CCDC60: variants seen among roughly 807,000 people sequenced by gnomAD.
The protein encoded by CCDC60 is coiled-coil domain-containing protein 60.
CCDC60 carries 54 observed loss-of-function variants against 63.5 expected under a neutral mutation model. The ratio of observed to expected loss-of-function variants is 0.85; its 90% CI spans 0.68 to 1.07. The LOEUF (loss-of-function observed/expected upper bound fraction) is 1.07, where lower values mean the gene tolerates loss of function less well. Among genes scored for constraint, CCDC60 ranks in the 50% least tolerant of loss-of-function variants. CCDC60 has a pLI of 0.00. For missense variants in CCDC60, 651 were observed against 684.3 expected, an observed-to-expected ratio of 0.95 and a Z score of 0.54; for synonymous variants, 206 against 238.8, an observed-to-expected ratio of 0.86 and a Z score of 1.27.
At chr12:119,468,693 T>TTC (rs3999604) in intron 2 of CCDC60, among the ~76,000 whole-genome samples, 5 of 151,832 alleles carry the variant, frequency 3.3e-5, no homozygotes, top group Admixed American at 3.3e-4. Flanking sequence ...AAAAGAATTT[T>TTC]ATTTAAAAAA....
In CCDC60 at chr12:119,472,097, GAGGA is replaced by G; in HGVS notation, c.276_279del (p.Arg94IlefsTer19). On this transcript the variant is annotated frameshift_variant, in exon 3 of 14. Transcript: ENST00000327554. LOFTEE classifies it high-confidence loss of function. ...ACAACAACTTCAGAAACTGAAAGAG[GAGGA>G]AAGAAATAAATTCCAGCCAGCCGAA... 6.2e-7 allele frequency: 1 copy of G among 1,614,154 alleles called. No individual in the cohort carries two copies. The highest frequency in any genetic ancestry group is 1.1e-5 in the South Asian group (1 of 91,084).
intron 1 of CCDC60, among the ~76,000 whole-genome samples, chr12:119,364,464 A>G (rs947277570): frequency 8.5e-5 from 13 of 152,110 alleles, no homozygotes; most frequent in African/African-American, 2.9e-4. Flanking sequence ...CTAATTTCCT[A>G]TAAATTGAAT....
chr12:119,389,512 G>A (rs989439994), intron 1 of CCDC60, among the ~76,000 whole-genome samples: 2 of 151,966 alleles, frequency 1.3e-5, no homozygotes, highest in Non-Finnish European at 2.9e-5. Context: ...AGTTGCCCAC[G>A]GTGGTCACCT....
chr12:119,495,644 T>C (rs1951701549), intron 5 of CCDC60, among the ~76,000 whole-genome samples: 1 of 152,220 alleles, frequency 6.6e-6, no homozygotes, highest in South Asian at 2.1e-4. Flanking sequence ...ATTTTTAAAA[T>C]TTAAATTGTT....
intron 1 of CCDC60, among the ~76,000 whole-genome samples, chr12:119,368,552 C>T (rs78610871): frequency 3.9e-5 from 6 of 152,126 alleles, no homozygotes; most frequent in South Asian, 2.1e-4. Flanking sequence ...TAAAGAATTA[C>T]GCCTTCCGAC....
intron 7 of CCDC60, among the ~76,000 whole-genome samples, chr12:119,513,352 A>C (rs1952262833): frequency 6.6e-6 from 1 of 152,172 alleles, no homozygotes; most frequent in Admixed American, 6.5e-5. Context: ...ATTGTCTCAC[A>C]GTTCTGGATA....
At chr12:119,384,971 C>A (rs544609296) in intron 1 of CCDC60, among the ~76,000 whole-genome samples, 1 of 152,230 alleles carries the variant, frequency 6.6e-6, no homozygotes, top group African/African-American at 2.4e-5. Flanking sequence ...GCTTCACTGG[C>A]GAAACCATGT....
At chr12:119,373,667 T>TGGG (rs57046909) in intron 1 of CCDC60, among the ~76,000 whole-genome samples, 6 of 54,078 alleles carry the variant, frequency 1.1e-4, no homozygotes, top group East Asian at 4.3e-4. Context: ...CGGGGTGGGG[T>TGGG]GGGGGGGGGT....
rs1593150914 is a variant in CCDC60, at chr12:119,481,061, T to A, written c.449+1860T>A. On this transcript the variant is annotated intron_variant, in intron 4 of 13. Coordinates refer to ENST00000327554, the MANE Select transcript of CCDC60 (RefSeq NM_178499.5). ...ATCACCATCATCCTCACCACCATCA[T>A]CATCATCACCATCATCATCATCACC... 4.0e-5 allele frequency among the ~76,000 whole-genome samples: 6 copies of A among 151,040 alleles called. No homozygotes were observed. In the South Asian group the frequency reaches 1.3e-3, roughly 32 times the overall value.
At chr12:119,537,975 C>A (rs1229622536) in intron 13 of CCDC60, among the ~76,000 whole-genome samples, 3 of 152,226 alleles carry the variant, frequency 2.0e-5, no homozygotes, top group Non-Finnish European at 4.4e-5. Flanking sequence ...ACGTTTAAGT[C>A]TGCAGAAGTA....
At chr12:119,338,373 C>T (rs774565801) in intron 1 of CCDC60, among the ~76,000 whole-genome samples, 4 of 152,076 alleles carry the variant, frequency 2.6e-5, no homozygotes, top group Admixed American at 2.6e-4. Flanking sequence ...TCATGTGCCA[C>T]GTATTGAACT....
intron 11 of CCDC60, among the ~76,000 whole-genome samples, chr12:119,528,164 C>G (rs904104371): frequency 6.6e-6 from 1 of 151,900 alleles, no homozygotes; most frequent in Non-Finnish European, 1.5e-5. Flanking sequence ...AATATAAAGT[C>G]TCATTGGAGA....
Position 119,364,677 on chromosome 12 carries a change from C to T in CCDC60, c.90+29411C>T, listed in dbSNP as rs538283722. On this transcript the variant is annotated intron_variant, in intron 1 of 13. Transcript: ENST00000327554. ...GTCTGAGAAGATAAAAGTAATTTGCCGGTGCATCTTATAATTGATGCCCAC... is the reference window on the plus strand; with the variant it reads ...GTCTGAGAAGATAAAAGTAATTTGCTGGTGCATCTTATAATTGATGCCCAC... 3.9e-5 allele frequency among the ~76,000 whole-genome samples: 6 copies of T among 152,244 alleles called. No homozygotes were observed. The East Asian group carries it at 9.7e-4, about 24-fold the overall frequency.
At chr12:119,362,367 C>G (rs959411895) in intron 1 of CCDC60, among the ~76,000 whole-genome samples, 2 of 152,056 alleles carry the variant, frequency 1.3e-5, no homozygotes, top group Admixed American at 6.5e-5. Flanking sequence ...CCAGAAGATT[C>G]TCTCATCTCT....
intron 1 of CCDC60, among the ~76,000 whole-genome samples, chr12:119,339,466 T>G (rs1366154289): frequency 1.3e-5 from 2 of 152,128 alleles, no homozygotes; most frequent in East Asian, 3.9e-4. Flanking sequence ...GGTGACTTGC[T>G]CATATCCTAG....
At chr12:119,447,185 A>T (rs979355837) in intron 2 of CCDC60, among the ~76,000 whole-genome samples, 1 of 152,152 alleles carries the variant, frequency 6.6e-6, no homozygotes, top group Admixed American at 6.5e-5. Context: ...AGTGTCAGGT[A>T]ACCACCCCAT....
chr12:119,368,763 T>G (rs377116447), intron 1 of CCDC60, among the ~76,000 whole-genome samples: 1 of 152,244 alleles, frequency 6.6e-6, no homozygotes, highest in East Asian at 1.9e-4. Context: ...TGACAATCCC[T>G]GCTCGTAATT....
At position 119,444,130 on chromosome 12, in the gene CCDC60, T is replaced by C. The variant is rs570247429; in HGVS notation, c.170+15368T>C. On this transcript the variant is annotated intron_variant, in intron 2 of 13. Coordinates refer to ENST00000327554, the MANE Select transcript of CCDC60 (RefSeq NM_178499.5). ...TGGGAAAATCAGATGCCAGAAAGCA[T>C]ACAGCTAAGAAACTTAAGGTTCTAT... Among the ~76,000 whole-genome samples, 269 of 152,330 alleles carry C rather than the reference T, an allele frequency of 1.8e-3. 1 individual carries two copies. The highest frequency in any genetic ancestry group is 6.2e-3 in the African/African-American group (257 of 41,572).
intron 2 of CCDC60, among the ~76,000 whole-genome samples, chr12:119,465,187 C>T (rs1242836962): frequency 6.6e-6 from 1 of 152,040 alleles, no homozygotes; most frequent in Non-Finnish European, 1.5e-5. Context: ...GTGGCGGGCG[C>T]CTGTAGTCCC....
Sources: allele counts gnomAD v4.1 joint callset (sites outside exome capture counted in the v4.1 genomes callset), GRCh38; gene constraint gnomAD v4.1.1; transcripts MANE v1.5; gene names NCBI Gene and HGNC (gene_info 2026-07-23, HGNC 2026-07-21).